Variants in NAV3 observed in about 807,000 individuals in gnomAD.
The protein encoded by NAV3 is pore membrane and/or filament interacting like protein 1.
NAV3 carries 87 observed loss-of-function variants against 244.7 expected under a neutral mutation model. That is an observed-to-expected ratio of 0.36 (90% CI 0.30 to 0.42). The LOEUF (loss-of-function observed/expected upper bound fraction) is 0.42, where lower values mean the gene tolerates loss of function less well. Among genes scored for constraint, NAV3 ranks in the 20% least tolerant of loss-of-function variants. NAV3 has a pLI of 1.00. For missense variants in NAV3, 2,663 were observed against 2,893.3 expected, an observed-to-expected ratio of 0.92 and a Z score of 1.83; for synonymous variants, 1,126 against 1,042.2, an observed-to-expected ratio of 1.08 and a Z score of -1.55.
At chr12:78,008,509 T>C (rs983241787) in intron 8 of NAV3, among the ~76,000 whole-genome samples, 3 of 152,114 alleles carry the variant, frequency 2.0e-5, no homozygotes, top group South Asian at 2.1e-4. Flanking sequence ...TCGGGCAGGT[T>C]GGCAATTTAA....
Position 77,940,233 on chromosome 12 carries a change from C to T in NAV3, c.244-86C>T, listed in dbSNP as rs534387048. Reference sequence around the variant, plus strand: ...TGGAATGTGATCCAGAATAGCTTCCCTTTGAATCCAACATTTGTCTTCAGC... The same window carrying T: ...TGGAATGTGATCCAGAATAGCTTCCTTTTGAATCCAACATTTGTCTTCAGC... On this transcript the variant is annotated intron_variant, in intron 1 of 39. Coordinates refer to ENST00000397909, the MANE Select transcript of NAV3 (RefSeq NM_001024383.2). 28 of 958,418 alleles carry T rather than the reference C, an allele frequency of 2.9e-5. No homozygotes were observed. In the African/African-American group the frequency reaches 4.1e-4, roughly 14 times the overall value. 59.4% of individuals were successfully genotyped at this position (958,418 alleles called of 1,614,324 possible).
intron 23 of NAV3, among the ~76,000 whole-genome samples, chr12:78,159,867 C>T (rs942499453): frequency 2.6e-5 from 4 of 152,022 alleles, no homozygotes; most frequent in African/African-American, 9.7e-5. Flanking sequence ...GAAAGAGAAA[C>T]AGTCACATAA....
intron 3 of NAV3, among the ~76,000 whole-genome samples, chr12:77,953,643 A>C (rs1050501911): frequency 6.6e-6 from 1 of 152,160 alleles, no homozygotes; most frequent in Non-Finnish European, 1.5e-5. Flanking sequence ...ACACAAACAC[A>C]TTTGAGATGG....
chr12:77,585,765 C>A, intron 2 of NAV3, among the ~76,000 whole-genome samples: 1 of 152,194 alleles, frequency 6.6e-6, no homozygotes, highest in East Asian at 1.9e-4. Flanking sequence ...AGGCCACAAG[C>A]CAGTACTGGT....
At chr12:78,202,423 A>G (rs1202542616) in intron 38 of NAV3, among the ~76,000 whole-genome samples, 2 of 152,168 alleles carry the variant, frequency 1.3e-5, no homozygotes, top group African/African-American at 2.4e-5. Context: ...TGAAATGATA[A>G]TAGTTAAAAT....
intron 8 of NAV3, among the ~76,000 whole-genome samples, chr12:78,012,309 T>A (rs1308989885): frequency 2.0e-5 from 3 of 152,002 alleles, no homozygotes; most frequent in Non-Finnish European, 4.4e-5. Flanking sequence ...CCAATGAGTC[T>A]CCCAGCTTCC....
chr12:77,838,481 TACA>T lies in NAV3; in HGVS notation c.243+6780_243+6782del, dbSNP rs538734671. On this transcript the variant is annotated intron_variant, in intron 1 of 39. Coordinates refer to ENST00000397909, the MANE Select transcript of NAV3 (RefSeq NM_001024383.2). ...TGATTAAATGTTGCTGAAAATTTCA[TACA>T]ACTTTTTAATTTTTTTGAAAGTTTC... Among the ~76,000 whole-genome samples, 106 of 152,336 alleles carry T rather than the reference TACA, an allele frequency of 7.0e-4. 1 individual carries two copies. Among genetic ancestry groups the T allele is most frequent in the African/African-American group, 2.4e-3 (100 of 41,578 alleles).
chr12:77,905,111 C>T (rs762691236), intron 1 of NAV3, among the ~76,000 whole-genome samples: 6 of 152,056 alleles, frequency 3.9e-5, no homozygotes, highest in African/African-American at 1.2e-4. Context: ...ATTGAAAGTT[C>T]ACCTTTTGTC....
chr12:77,619,891 A>G (rs1368354619), intron 2 of NAV3, among the ~76,000 whole-genome samples: 1 of 152,150 alleles, frequency 6.6e-6, no homozygotes, highest in East Asian at 1.9e-4. Context: ...TCACACACAC[A>G]CACACACACA....
chr12:77,890,308 G>T (rs1458782368), intron 1 of NAV3, among the ~76,000 whole-genome samples: 1 of 151,818 alleles, frequency 6.6e-6, no homozygotes, highest in Non-Finnish European at 1.5e-5. Flanking sequence ...TAGAGATGGG[G>T]TTTCACCCTG....
chr12:77,706,208 A>G (rs1875792021), intron 2 of NAV3, among the ~76,000 whole-genome samples: 1 of 151,500 alleles, frequency 6.6e-6, no homozygotes, highest in Non-Finnish European at 1.5e-5. Flanking sequence ...AACTACTCCA[A>G]AGAGCCTAGT....
chr12:78,000,590 G>T (rs1873094460), intron 7 of NAV3, among the ~76,000 whole-genome samples: 1 of 127,726 alleles, frequency 7.8e-6, no homozygotes, highest in South Asian at 2.6e-4. Flanking sequence ...TGCAAGCTCC[G>T]CCTCCCGGGT....
chr12:78,069,245 T>C (rs1320536530), intron 12 of NAV3, among the ~76,000 whole-genome samples: 1 of 152,034 alleles, frequency 6.6e-6, no homozygotes, highest in Non-Finnish European at 1.5e-5. Context: ...TATGTTTTTT[T>C]AGGATAAGTT....
At chr12:77,819,538 A>T (rs916276784) in intron 2 of NAV3, among the ~76,000 whole-genome samples, 3 of 152,012 alleles carry the variant, frequency 2.0e-5, no homozygotes, top group Non-Finnish European at 2.9e-5. Flanking sequence ...TAAGTTTTAG[A>T]TGCCAAATTT....
At position 78,116,843 on chromosome 12, in the gene NAV3, A is replaced by G. The variant is rs998923763; in HGVS notation, c.2708A>G (p.Asn903Ser). Residue 903 changes from asparagine (N) to serine (S), a missense_variant, in exon 13 of 40, where the codon AAC (asparagine) becomes AGC (serine). Physicochemically the swap from Asn to Ser is conservative, Grantham distance 46 (BLOSUM62 1). Coordinates refer to ENST00000397909, the MANE Select transcript of NAV3 (RefSeq NM_001024383.2). ...TLDNISTDDL[N>S]TTSSVSSYSN... is the part of the protein sequence containing the mutation. ...GATAACATCAGCACTGATGACCTGA[A>G]CACCACATCCTCTGTCAGCTCTTAC... 2 of 1,613,538 alleles carry G rather than the reference A, an allele frequency of 1.2e-6. No individual in the cohort carries two copies. The highest frequency in any genetic ancestry group is 1.3e-5 in the African/African-American group (1 of 74,892).
intron 2 of NAV3, among the ~76,000 whole-genome samples, chr12:77,687,753 C>G (rs2137143522): frequency 6.6e-6 from 1 of 152,132 alleles, no homozygotes; most frequent in African/African-American, 2.4e-5. Context: ...CCTCTCTCTA[C>G]CAAAGAAATG....
At chr12:77,688,342 A>T (rs1874853567) in intron 2 of NAV3, among the ~76,000 whole-genome samples, 1 of 152,012 alleles carries the variant, frequency 6.6e-6, no homozygotes, top group Non-Finnish European at 1.5e-5. Flanking sequence ...TGCTTACTAT[A>T]TGTACACATT....
chr12:78,114,905 G>T (rs2062127954), intron 12 of NAV3, among the ~76,000 whole-genome samples: 1 of 152,084 alleles, frequency 6.6e-6, no homozygotes, highest in Non-Finnish European at 1.5e-5. Flanking sequence ...TATGCTCTCA[G>T]CAGCTAAAAC....
At chr12:77,921,457 C>A (rs149934786) in intron 1 of NAV3, among the ~76,000 whole-genome samples, 4 of 152,032 alleles carry the variant, frequency 2.6e-5, no homozygotes, top group Non-Finnish European at 5.9e-5. Context: ...CTTACATAAA[C>A]GTTGGCAGCC....
Sources: gnomAD v4.1 joint callset for allele counts (sites outside exome capture counted in the v4.1 genomes callset) on GRCh38, gnomAD v4.1.1 for gene constraint, MANE v1.5 for transcripts, NCBI Gene and HGNC (gene_info 2026-07-23, HGNC 2026-07-21) for gene names.